HMCES: variants seen among roughly 807,000 people sequenced by gnomAD.
HMCES encodes 5-hydroxymethylcytosine binding, ES cell specific, also known as abasic site processing protein HMCES.
In HMCES, 27 loss-of-function variants were observed where a neutral mutation model predicts 35.1. The ratio of observed to expected loss-of-function variants is 0.77; its 90% CI spans 0.57 to 1.06. HMCES has a LOEUF of 1.06. Among genes scored for constraint, HMCES ranks in the 50% least tolerant of loss-of-function variants. The pLI is 0.00. For missense variants in HMCES, 391 were observed against 430.4 expected (o/e 0.91, Z 0.81); for synonymous variants, 130 against 154.7 (o/e 0.84, Z 1.18).
chr3:129,303,551 G>A (rs1228229857), intron 6 of HMCES, among the ~76,000 whole-genome samples: 3 of 152,128 alleles, frequency 2.0e-5, no homozygotes. Flanking sequence ...TGGAATATTT[G>A]CATTATATAC....
At chr3:129,285,714 T>C (rs908972628) in intron 2 of HMCES, among the ~76,000 whole-genome samples, 1 of 151,762 alleles carries the variant, frequency 6.6e-6, no homozygotes, top group African/African-American at 2.4e-5. Context: ...CCCAAAGTGC[T>C]AGGATTACAG....
At chr3:129,289,653 G>A (rs527301225) in intron 3 of HMCES, among the ~76,000 whole-genome samples, 7 of 152,182 alleles carry the variant, frequency 4.6e-5, no homozygotes, top group African/African-American at 1.4e-4. Flanking sequence ...GGGATTACAG[G>A]TGTGAGCTAT....
chr3:129,287,899 A>G (rs1043493008), intron 2 of HMCES, among the ~76,000 whole-genome samples: 1 of 152,166 alleles, frequency 6.6e-6, no homozygotes, highest in East Asian at 1.9e-4. Flanking sequence ...CTTTAGTAAA[A>G]ATACAAAAAT....
intron 6 of HMCES, 151 bp from the exon 7 acceptor site, chr3:129,304,438 A>T (rs1407126501): frequency 4.3e-6 from 3 of 694,776 alleles, no homozygotes; most frequent in Non-Finnish European, 7.7e-6. Context: ...CTCTCTTTCC[A>T]CTCTTGACTG....
At chr3:129,288,781 G>A (rs1360509880) in intron 2 of HMCES, 73 bp from the exon 3 acceptor site, 1 of 1,083,566 alleles carries the variant, frequency 9.2e-7, no homozygotes, top group Non-Finnish European at 1.3e-6. Context: ...CCTAAATAAT[G>A]TAATAAATAC....
chr3:129,291,223 G>T (rs1297973294), intron 4 of HMCES, among the ~76,000 whole-genome samples: 1 of 152,148 alleles, frequency 6.6e-6, no homozygotes, highest in Non-Finnish European at 1.5e-5. Flanking sequence ...GAAATGAAAT[G>T]AAATGAGCTC....
At chr3:129,300,334 G>A (rs1329959898) in intron 5 of HMCES, among the ~76,000 whole-genome samples, 1 of 152,142 alleles carries the variant, frequency 6.6e-6, no homozygotes, top group Non-Finnish European at 1.5e-5. Flanking sequence ...TTCACCTTGT[G>A]TTTCTCACAG....
intron 4 of HMCES, 113 bp downstream of exon 4, chr3:129,290,917 C>A: frequency 1.8e-6 from 2 of 1,139,844 alleles, no homozygotes; most frequent in Non-Finnish European, 2.5e-6. Context: ...AAAATAACAG[C>A]TTTGGCCCAG....
chr3:129,294,193 C>T (rs529256152), intron 4 of HMCES, among the ~76,000 whole-genome samples: 20 of 152,008 alleles, frequency 1.3e-4, no homozygotes, highest in Middle Eastern at 3.4e-3. Flanking sequence ...CTAAGGCGGG[C>T]GGATCATGAG....
At chr3:129,304,489 G>A in intron 6 of HMCES, 100 bp from the exon 7 acceptor site, 1 of 982,998 alleles carries the variant, frequency 1.0e-6, no homozygotes, top group South Asian at 1.5e-5. Context: ...TCCAAGCCTG[G>A]GTAAGTACCT....
At chr3:129,296,777 G>T (rs2071098215) in intron 4 of HMCES, among the ~76,000 whole-genome samples, 2 of 151,934 alleles carry the variant, frequency 1.3e-5, no homozygotes, top group South Asian at 4.2e-4. Context: ...TTTTGTTTTT[G>T]TTTTTGAGAC....
chr3:129,282,216 G>T (rs1435177235), intron 2 of HMCES, among the ~76,000 whole-genome samples: 3 of 151,488 alleles, frequency 2.0e-5, no homozygotes, highest in African/African-American at 7.3e-5. Context: ...CTAGCACTTT[G>T]GGGGAGGCTG....
At chr3:129,296,801 GT>G (rs2071098808) in intron 4 of HMCES, among the ~76,000 whole-genome samples, 1 of 152,088 alleles carries the variant, frequency 6.6e-6, no homozygotes, top group African/African-American at 2.4e-5. Flanking sequence ...GTCTCCCTCT[GT>G]TGCCCAGGCT....
intron 5 of HMCES, 46 bp from the exon 6 acceptor site, chr3:129,301,904 T>C: frequency 6.7e-7 from 1 of 1,494,436 alleles, no homozygotes; most frequent in Non-Finnish European, 9.2e-7. Context: ...TCTCTCCTTA[T>C]TCTCATGCTA....
At chr3:129,281,935 A>G (rs1940504127) in intron 2 of HMCES, among the ~76,000 whole-genome samples, 1 of 151,948 alleles carries the variant, frequency 6.6e-6, no homozygotes, top group African/African-American at 2.4e-5. Context: ...TCAAAAAAAA[A>G]AAAAAAAAAA....
rs186347235 is a variant in HMCES, at chr3:129,304,944, G to C, written c.*119G>C. 5.1e-5 allele frequency: 41 copies of C among 797,196 alleles called. No homozygotes were observed. The Admixed American group carries it at 1.0e-3, about 19-fold the overall frequency. 49.4% of individuals were successfully genotyped at this position (797,196 alleles called of 1,614,324 possible). A position where few individuals can be genotyped will look rare whatever the true frequency, so the allele number is the denominator to read the frequency against. On this transcript the variant is annotated 3_prime_UTR_variant, in exon 7 of 7. Transcript: ENST00000383463. Reference sequence around the variant, plus strand: ...GGAGGTGGCACTGTGTTAGTTGACAGTTGTGGGCTCATGTAGTCTTTTTTG... The same window carrying C: ...GGAGGTGGCACTGTGTTAGTTGACACTTGTGGGCTCATGTAGTCTTTTTTG...
intron 6 of HMCES, 91 bp from the exon 7 acceptor site, chr3:129,304,498 C>A: frequency 2.8e-6 from 3 of 1,081,770 alleles, no homozygotes; most frequent in Non-Finnish European, 2.8e-6. Context: ...GGGTAAGTAC[C>A]TAATGCCTCT....
Position 129,288,834 on chromosome 3 carries a change from A to G in HMCES, c.184-20A>G. On this transcript the variant is annotated intron_variant, in intron 2 of 6. Coordinates refer to ENST00000383463, the MANE Select transcript of HMCES (RefSeq NM_020187.3). Reference sequence around the variant, plus strand: ...AGAATTTCATTATGATCTCCTCACTAGATCTTCTCTCCGTGGCAGGATGCA... The same window carrying G: ...AGAATTTCATTATGATCTCCTCACTGGATCTTCTCTCCGTGGCAGGATGCA... The G allele has an allele frequency of 6.7e-7, 1 of 1,484,980 alleles. No individual in the cohort carries two copies. Among genetic ancestry groups the G allele is most frequent in the African/African-American group, 1.4e-5 (1 of 73,018 alleles). 92.0% of individuals were successfully genotyped at this position (1,484,980 alleles called of 1,614,324 possible). A position where few individuals can be genotyped will look rare whatever the true frequency, so the allele number is the denominator to read the frequency against.
Position 129,279,726 on chromosome 3 carries a change from T to C in HMCES, c.-7T>C, listed in dbSNP as rs1940408548. ...AATTTAAAGGTTGCGAGGGGCGGTG[T>C]TGAAGAATGTGTGGGCGAACATCCT... On this transcript the variant is annotated 5_prime_UTR_variant, in exon 2 of 7. Transcript: ENST00000383463. This position sits in a 1 kb window ranked among gnomAD's most constrained non-coding sequence, Gnocchi z 4.2. 1 of 1,612,708 alleles carries C rather than the reference T, an allele frequency of 6.2e-7. No individual in the cohort carries two copies. Among genetic ancestry groups the C allele is most frequent in the Non-Finnish European group, 8.5e-7 (1 of 1,179,518 alleles).
Sources: allele counts gnomAD v4.1 joint callset (sites outside exome capture counted in the v4.1 genomes callset), GRCh38; gene constraint gnomAD v4.1.1; non-coding constraint Gnocchi (gnomAD v3.1); transcripts MANE v1.5; gene names NCBI Gene and HGNC (gene_info 2026-07-23, HGNC 2026-07-21).